The following XYLT1 variants were observed in gnomAD, a reference collection of about 807,000 sequenced individuals.
XYLT1 encodes the protein xylosyltransferase 1, also known as beta-D-xylosyltransferase 1.
A neutral mutation model predicts 91.3 loss-of-function variants in XYLT1; 36 were observed. The ratio of observed to expected loss-of-function variants is 0.39; its 90% CI spans 0.30 to 0.52. The LOEUF is 0.52. XYLT1 is among the 20% of genes least tolerant of loss of function. The pLI is 0.68. For synonymous variants in XYLT1, 588 were observed against 532.0 expected (o/e 1.11, Z -1.45); for missense variants, 1,242 against 1,284.5 (o/e 0.97, Z 0.51).
At chr16:17,253,690 C>G (rs1231554092) in intron 3 of XYLT1, among the ~76,000 whole-genome samples, 2 of 152,092 alleles carry the variant, frequency 1.3e-5, no homozygotes, top group Non-Finnish European at 2.9e-5. Context: ...GCCCAAAGTC[C>G]TACAGCTTGT....
chr16:17,174,956 G>C (rs2031907086), intron 5 of XYLT1, among the ~76,000 whole-genome samples: 1 of 152,098 alleles, frequency 6.6e-6, no homozygotes, highest in Non-Finnish European at 1.5e-5. Flanking sequence ...ATTTTTAGTA[G>C]AGACAGGCTT....
rs1259746332 is a variant in XYLT1, at chr16:17,258,995, G to A, written c.906C>T (p.Pro302=). ...AGCGGGGTTGGAACTTACCCTCGAG[G>A]GGGCAGAACCGAGTCACCTTCTCAG... ...LMPEKVTRFC[P]LEGKANKNVQ... Residue 302 remains proline, a synonymous_variant, in exon 3 of 12, where the codon CCC becomes CCT. Coordinates refer to ENST00000261381, the MANE Select transcript of XYLT1 (RefSeq NM_022166.4). 4.0e-6 allele frequency: 6 copies of A among 1,498,124 alleles called. No individual in the cohort carries two copies. The highest frequency in any genetic ancestry group is 5.3e-6 in the Non-Finnish European group (6 of 1,122,970). The allele number at this position is 1,498,124 out of a possible 1,614,324, so 92.8% of individuals were successfully genotyped here. A position where few individuals can be genotyped will look rare whatever the true frequency, so the allele number is the denominator to read the frequency against.
intron 3 of XYLT1, among the ~76,000 whole-genome samples, chr16:17,223,035 G>GAAA (rs535714440): frequency 2.4e-5 from 3 of 127,448 alleles, no homozygotes; most frequent in Non-Finnish European, 1.7e-5. Context: ...ACTGCGCCAG[G>GAAA]AAAAAAAAAA....
chr16:17,330,669 C>G (rs1202312513), intron 2 of XYLT1, among the ~76,000 whole-genome samples: 1 of 151,956 alleles, frequency 6.6e-6, no homozygotes, highest in Non-Finnish European at 1.5e-5. Flanking sequence ...TGATACATGC[C>G]TGTAATTCCA....
At position 17,408,534 on chromosome 16, in the gene XYLT1, G is replaced by A. The variant is rs543679824; in HGVS notation, c.364-50484C>T. On this transcript the variant is annotated intron_variant, in intron 1 of 11. Transcript: ENST00000261381. ...GTTGCCTAGCACCACAATATCCTTG[G>A]TTGATGTGCTTCTAGGTGCTAAAAG... 6.9e-4 allele frequency among the ~76,000 whole-genome samples: 105 copies of A among 152,298 alleles called. 1 individual carries two copies. In the East Asian group the frequency reaches 7.9e-3, roughly 11 times the overall value.
At chr16:17,322,627 C>T (rs370414274) in intron 2 of XYLT1, among the ~76,000 whole-genome samples, 25 of 152,308 alleles carry the variant, frequency 1.6e-4, no homozygotes, top group East Asian at 5.8e-4. Context: ...TTCACTCTGG[C>T]CTCTTTGCCC....
In XYLT1 at chr16:17,274,715, A is replaced by C. The variant is rs542414966; in HGVS notation, c.403-15217T>G. Among the ~76,000 whole-genome samples, 475 of 152,248 alleles carry C rather than the reference A, an allele frequency of 3.1e-3. 6 individuals are homozygous for C. Among genetic ancestry groups the C allele is most frequent in the African/African-American group, 0.011 (459 of 41,552 alleles). On this transcript the variant is annotated intron_variant, in intron 2 of 11. Transcript: ENST00000261381. ...GCCTCATCTTGAGAAGAAAGGAGCA[A>C]GACAGACAAAGGAAAAAAGGGCTTT... is the stretch of plus-strand genomic sequence containing the variant.
intron 2 of XYLT1, among the ~76,000 whole-genome samples, chr16:17,277,603 T>C (rs940748271): frequency 2.6e-5 from 4 of 152,160 alleles, no homozygotes; most frequent in African/African-American, 9.7e-5. Context: ...TAGGCCAGGC[T>C]GTTCTCGAAC....
chr16:17,140,306 G>A (rs1400945034), intron 7 of XYLT1, among the ~76,000 whole-genome samples: 1 of 152,128 alleles, frequency 6.6e-6, no homozygotes, highest in African/African-American at 2.4e-5. Flanking sequence ...CATGAGAAAA[G>A]GCATGCTTGG....
chr16:17,469,412 A>T (rs2036947355), intron 1 of XYLT1, among the ~76,000 whole-genome samples: 1 of 152,196 alleles, frequency 6.6e-6, no homozygotes, highest in Admixed American at 6.5e-5. Flanking sequence ...GCCCCTGGAG[A>T]ACTGAGACCT....
At chr16:17,159,553 A>T (rs1479799580) in intron 5 of XYLT1, among the ~76,000 whole-genome samples, 1 of 152,204 alleles carries the variant, frequency 6.6e-6, no homozygotes, top group Non-Finnish European at 1.5e-5. Context: ...AGCTATATTA[A>T]TATTTGTTGA....
rs569807705 is a variant in XYLT1, at chr16:17,342,405, C to T, written c.402+15607G>A. ...CTGCTTTGCTCTCCCATGCTCTCATCGCCATCTGACATGACATATCAACAT... is the reference window on the plus strand; with the variant it reads ...CTGCTTTGCTCTCCCATGCTCTCATTGCCATCTGACATGACATATCAACAT... On this transcript the variant is annotated intron_variant, in intron 2 of 11. Coordinates refer to ENST00000261381, the MANE Select transcript of XYLT1 (RefSeq NM_022166.4). 2.6e-5 allele frequency among the ~76,000 whole-genome samples: 4 copies of T among 152,270 alleles called. 1 individual carries two copies. The South Asian group carries it at 6.2e-4, about 24-fold the overall frequency.
intron 2 of XYLT1, among the ~76,000 whole-genome samples, chr16:17,342,111 G>T (rs889474131): frequency 2.0e-5 from 3 of 152,198 alleles, no homozygotes; most frequent in Admixed American, 1.3e-4. Flanking sequence ...AGTTTCCCAA[G>T]GTTCTAATGA....
At chr16:17,196,384 A>G (rs2032426426) in intron 5 of XYLT1, among the ~76,000 whole-genome samples, 2 of 152,254 alleles carry the variant, frequency 1.3e-5, no homozygotes, top group Admixed American at 1.3e-4. Flanking sequence ...TGTCTTAAAA[A>G]AGAGATCTTA....
intron 5 of XYLT1, chr16:17,194,237 G>T (rs933849957): frequency 6.6e-6 from 1 of 152,144 alleles, no homozygotes; most frequent in Non-Finnish European, 1.5e-5. Flanking sequence ...TTACTTGCCC[G>T]CGGTCACGCT....
intron 3 of XYLT1, among the ~76,000 whole-genome samples, chr16:17,231,348 C>T (rs7185548): frequency 0.012 from 1,814 of 152,242 alleles, 34 homozygotes; most frequent in African/African-American, 0.041. Context: ...TCCTACAGGG[C>T]CTTTCTCCCC....
chr16:17,387,764 G>A (rs371061667), intron 1 of XYLT1, among the ~76,000 whole-genome samples: 15 of 152,136 alleles, frequency 9.9e-5, no homozygotes, highest in South Asian at 2.1e-4. Context: ...AGTCTTGCCC[G>A]GTCCAAGAAC....
chr16:17,210,862 C>A (rs934973414), intron 3 of XYLT1, among the ~76,000 whole-genome samples: 5 of 152,188 alleles, frequency 3.3e-5, no homozygotes, highest in African/African-American at 1.2e-4. Context: ...TCAATGCAAA[C>A]AAATCTTCAG....
intron 1 of XYLT1, among the ~76,000 whole-genome samples, chr16:17,426,886 A>G (rs2036325310): frequency 6.6e-6 from 1 of 152,202 alleles, no homozygotes; most frequent in South Asian, 2.1e-4. Flanking sequence ...CATTTGAGTG[A>G]AGACCAGAAT....
Sources: allele counts gnomAD v4.1 joint callset (sites outside exome capture counted in the v4.1 genomes callset), GRCh38; gene constraint gnomAD v4.1.1; transcripts MANE v1.5; gene names NCBI Gene and HGNC (gene_info 2026-07-23, HGNC 2026-07-21).